The following DHX8 variants were observed in gnomAD, a reference collection of about 807,000 sequenced individuals.
DHX8 encodes DEAH-box helicase 8, also known as ATP-dependent RNA helicase DHX8.
A neutral mutation model predicts 140.7 loss-of-function variants in DHX8; 67 were observed. That is an observed-to-expected ratio of 0.48 (90% CI 0.39 to 0.58). The LOEUF is 0.58. DHX8 is among the 20% of genes least tolerant of loss of function. DHX8 has a pLI of 0.00. For missense variants in DHX8, 887 were observed against 1,550.7 expected (o/e 0.57, Z 7.19); for synonymous variants, 533 against 553.2 (o/e 0.96, Z 0.51).
rs1970530183 is a variant in DHX8, at chr17:43,524,421, AGAATCCCCT to A, written c.*587_*595del. On this transcript the variant is annotated 3_prime_UTR_variant, in exon 23 of 23. Coordinates refer to ENST00000262415, the MANE Select transcript of DHX8 (RefSeq NM_004941.3). ...TATCTGTGCTCTGGCACACATGATG[AGAATCCCCT>A]GAATCCCCTGAAACCAGAACGCAGG... The A allele has an allele frequency of 9.1e-6, 9 of 988,762 alleles. No homozygotes were observed. The highest frequency in any genetic ancestry group is 1.1e-5 in the Non-Finnish European group (9 of 832,186). 61.2% of individuals were successfully genotyped at this position (988,762 alleles called of 1,614,324 possible).
chr17:43,521,023 T>C, intron 20 of DHX8, 144 bp downstream of exon 20: 1 of 836,604 alleles, frequency 1.2e-6, no homozygotes, highest in South Asian at 1.9e-5. Flanking sequence ...CAGGCTGGAG[T>C]GCAGTGGAAT....
At chr17:43,501,093 C>T (rs1488299111) in intron 11 of DHX8, among the ~76,000 whole-genome samples, 1 of 152,156 alleles carries the variant, frequency 6.6e-6, no homozygotes, top group Admixed American at 6.6e-5. Context: ...TTATGCGCTA[C>T]AACTTAGTCG....
chr17:43,539,001 ATT>A (rs1567713854), intron 3 of DHX8, among the ~76,000 whole-genome samples: 1 of 152,048 alleles, frequency 6.6e-6, no homozygotes, highest in African/African-American at 2.4e-5. Flanking sequence ...AGGCTCCATC[ATT>A]TCTTACTTGG....
intron 11 of DHX8, 67 bp from the exon 12 acceptor site, chr17:43,504,577 T>A: frequency 6.6e-7 from 1 of 1,504,720 alleles, no homozygotes; most frequent in Non-Finnish European, 8.9e-7. Flanking sequence ...CATGCCATTT[T>A]ATTTTTTTCC....
At chr17:43,536,623 T>C (rs192775558) in intron 3 of DHX8, 851 of 659,832 alleles carry the variant, frequency 1.3e-3, no homozygotes, top group Non-Finnish European at 1.5e-3. Context: ...GTAAGAATTG[T>C]CTTGGGCCAC....
chr17:43,539,123 C>A (rs1258107349), intron 3 of DHX8, among the ~76,000 whole-genome samples: 4 of 152,190 alleles, frequency 2.6e-5, no homozygotes, highest in Non-Finnish European at 1.5e-5. Context: ...GAAATAAAAT[C>A]ATTTCTCTCT....
At chr17:43,534,003 A>ACAGAGCAAGGC in intron 2 of DHX8, 1 of 1,514,786 alleles carries the variant, frequency 6.6e-7, no homozygotes, top group Non-Finnish European at 8.7e-7. Context: ...GGTGGAGGGG[A>ACAGAGCAAGGC]CAGAGCAAGG....
Position 43,524,931 on chromosome 17 carries a change from G to A in DHX8, c.*1084G>A, listed in dbSNP as rs1970557230. 1 of 984,184 alleles carries A rather than the reference G, an allele frequency of 1.0e-6. No homozygotes were observed. Among genetic ancestry groups the A allele is most frequent in the Non-Finnish European group, 1.2e-6 (1 of 829,776 alleles). 61.0% of individuals were successfully genotyped at this position (984,184 alleles called of 1,614,324 possible). A position where few individuals can be genotyped will look rare whatever the true frequency, so the allele number is the denominator to read the frequency against. On this transcript the variant is annotated 3_prime_UTR_variant, in exon 23 of 23. Transcript: ENST00000262415. ...GCTTGGAGAATAGCCACCTCCTTGT[G>A]CCCTCCTCACAGCTCCTGAGGAGGG...
At chr17:43,532,858 G>C in intron 2 of DHX8, 1 of 1,613,176 alleles carries the variant, frequency 6.2e-7, no homozygotes, top group Non-Finnish European at 8.5e-7. Context: ...GCTGGTGTTG[G>C]TAGGGGGCTG....
Position 43,521,585 on chromosome 17 carries a change from C to T in DHX8, c.3263+20C>T, listed in dbSNP as rs1349587294. Reference sequence around the variant, plus strand: ...GGACAGGTAAGCTGGAATCTGATGACTCTGCATGTTTGAGTTGAACCACCT... The same window carrying T: ...GGACAGGTAAGCTGGAATCTGATGATTCTGCATGTTTGAGTTGAACCACCT... On this transcript the variant is annotated intron_variant, in intron 21 of 22. Transcript: ENST00000262415. 1.2e-6 allele frequency: 2 copies of T among 1,600,212 alleles called. No homozygotes were observed. Among genetic ancestry groups the T allele is most frequent in the Admixed American group, 3.4e-5 (2 of 59,582 alleles).
At chr17:43,533,879 GCCA>G in intron 2 of DHX8, 1 of 1,605,458 alleles carries the variant, frequency 6.2e-7, no homozygotes, top group Non-Finnish European at 8.5e-7. Flanking sequence ...GGCACTGCTC[GCCA>G]TGGTGGTAGG....
At chr17:43,511,197 G>A (rs1251165139) in intron 16 of DHX8, among the ~76,000 whole-genome samples, 2 of 152,082 alleles carry the variant, frequency 1.3e-5, no homozygotes, top group Admixed American at 6.6e-5. Flanking sequence ...AGGCGTGGTG[G>A]CGGGTGCCTG....
Position 43,521,530 on chromosome 17 carries a change from G to A in DHX8, c.3228G>A (p.Gln1076=). The change falls in exon 21 of 23, where the codon CAG becomes CAA. Residue 1076 remains glutamine, a synonymous_variant. Coordinates refer to ENST00000262415, the MANE Select transcript of DHX8 (RefSeq NM_004941.3). ...AGGCTCGTTCCCTGCGCCGGGCCCA[G>A]GACATTCGCAAGCAGATGTTAGGCA... ...FIQARSLRRA[Q]DIRKQMLGIM... 6.2e-7 allele frequency: 1 copy of A among 1,613,460 alleles called. No homozygotes were observed. Among genetic ancestry groups the A allele is most frequent in the Non-Finnish European group, 8.5e-7 (1 of 1,179,654 alleles).
chr17:43,484,622 A>G (rs1169427189), intron 1 of DHX8, among the ~76,000 whole-genome samples: 2 of 151,968 alleles, frequency 1.3e-5, no homozygotes, highest in Admixed American at 1.3e-4. Context: ...CTGTGCTTTT[A>G]ACTGTGTTCT....
At chr17:43,525,800 C>G, downstream of DHX8, 1 of 985,426 alleles carries the variant, frequency 1.0e-6, no homozygotes, top group Non-Finnish European at 1.2e-6. Context: ...AAATTTTCCC[C>G]ATTCAGAAAC....
chr17:43,501,957 T>G (rs1969222167), intron 11 of DHX8, among the ~76,000 whole-genome samples: 1 of 152,166 alleles, frequency 6.6e-6, no homozygotes, highest in Non-Finnish European at 1.5e-5. Flanking sequence ...AGAGGAGGGA[T>G]GTACTTGAGA....
chr17:43,528,666 C>T, downstream of DHX8: 1 of 1,614,180 alleles, frequency 6.2e-7, no homozygotes, highest in South Asian at 1.1e-5. Flanking sequence ...GAGCTGGACG[C>T]TGATTGTCCG....
chr17:43,528,516 G>T, downstream of DHX8: 2 of 1,596,086 alleles, frequency 1.3e-6, no homozygotes, highest in African/African-American at 1.3e-5. Context: ...CAGCCGCTGG[G>T]GGCTAGTAAG....
chr17:43,486,230 A>C (rs1188924761), intron 1 of DHX8, among the ~76,000 whole-genome samples: 1 of 151,810 alleles, frequency 6.6e-6, no homozygotes, highest in African/African-American at 2.4e-5. Flanking sequence ...GGTTTAATGC[A>C]ATAGACAGTG....
Sources: gnomAD v4.1 joint callset for allele counts (sites outside exome capture counted in the v4.1 genomes callset) on GRCh38, gnomAD v4.1.1 for gene constraint, MANE v1.5 for transcripts, NCBI Gene and HGNC (gene_info 2026-07-23, HGNC 2026-07-21) for gene names.